Variants in NKAIN2 observed in about 807,000 individuals in gnomAD.
NKAIN2 encodes sodium/potassium-transporting ATPase subunit beta-1-interacting protein 2.
NKAIN2 carries 14 observed loss-of-function variants against 32.6 expected under a neutral mutation model. The observed-to-expected ratio is 0.43, with a 90% confidence interval of 0.28 to 0.67. NKAIN2 has a LOEUF of 0.67. NKAIN2 is among the 30% of genes least tolerant of loss of function. NKAIN2 has a pLI of 0.17. For synonymous variants in NKAIN2, 80 were observed against 87.2 expected (o/e 0.92, Z 0.46); for missense variants, 198 against 258.3 (o/e 0.77, Z 1.60).
chr6:124,257,892 C>T (rs540218409), intron 1 of NKAIN2, among the ~76,000 whole-genome samples: 184 of 150,558 alleles, frequency 1.2e-3, no homozygotes, highest in Non-Finnish European at 2.0e-3. Context: ...GATTCTCCTA[C>T]CTCAGCCTCC....
At position 124,305,306 on chromosome 6, in the gene NKAIN2, G is replaced by A. The variant is rs555135011; in HGVS notation, c.192+22164G>A. ...TTAATGTGAGGAGGCCACCTCGGAG[G>A]CAATCAAACAAGGGACAATGAGGAA... is the stretch of plus-strand genomic sequence containing the variant. On this transcript the variant is annotated intron_variant, in intron 2 of 6. Transcript: ENST00000368417. 2.6e-5 allele frequency among the ~76,000 whole-genome samples: 4 copies of A among 152,220 alleles called. No homozygotes were observed. The East Asian group carries it at 7.7e-4, about 29-fold the overall frequency.
At position 123,834,476 on chromosome 6, in the gene NKAIN2, ATTC is replaced by A. The variant is rs1774528976; in HGVS notation, c.54+30227_54+30229del. ...GGCTGTTCCAGGAGTTTTTTTGTCA[ATTC>A]TTCTATATTTTCTACATAGACAATC... On this transcript the variant is annotated intron_variant, in intron 1 of 6. Coordinates refer to ENST00000368417, the MANE Select transcript of NKAIN2 (RefSeq NM_001040214.3). Among the ~76,000 whole-genome samples the A allele has an allele frequency of 2.0e-5, 3 of 152,188 alleles. No homozygotes were observed. The South Asian group carries it at 6.2e-4, about 32-fold the overall frequency.
At chr6:124,266,374 C>G (rs1430090622) in intron 1 of NKAIN2, among the ~76,000 whole-genome samples, 1 of 152,110 alleles carries the variant, frequency 6.6e-6, no homozygotes, top group African/African-American at 2.4e-5. Context: ...ACTTCTTGAG[C>G]TCAACTGATC....
intron 3 of NKAIN2, among the ~76,000 whole-genome samples, chr6:124,521,802 G>C (rs779126698): frequency 6.6e-6 from 1 of 151,858 alleles, no homozygotes; most frequent in Non-Finnish European, 1.5e-5. Flanking sequence ...TATGGACACA[G>C]TATATCTGTA....
intron 3 of NKAIN2, chr6:124,437,999 G>A (rs519362): frequency 0.15 from 56,841 of 388,944 alleles, 4,611 homozygotes; most frequent in East Asian, 0.22. Flanking sequence ...GAGGCATGTG[G>A]ATATAGCAAG....
At chr6:124,675,619 G>A (rs898680193) in intron 4 of NKAIN2, among the ~76,000 whole-genome samples, 5 of 151,924 alleles carry the variant, frequency 3.3e-5, no homozygotes, top group African/African-American at 9.7e-5. Flanking sequence ...TGTCTTCCAA[G>A]TTATCTAATT....
At chr6:124,411,365 AG>A (rs1480314511) in intron 3 of NKAIN2, among the ~76,000 whole-genome samples, 1 of 152,026 alleles carries the variant, frequency 6.6e-6, no homozygotes. Context: ...GAGCTCTTTT[AG>A]GGCAGGCCTG....
intron 3 of NKAIN2, among the ~76,000 whole-genome samples, chr6:124,524,929 G>A (rs1018271407): frequency 5.9e-5 from 9 of 152,040 alleles, no homozygotes; most frequent in African/African-American, 1.9e-4. Flanking sequence ...AAATCCCCAC[G>A]GAAACAAGAT....
intron 4 of NKAIN2, among the ~76,000 whole-genome samples, chr6:124,705,934 G>A (rs1163176071): frequency 5.9e-5 from 9 of 152,068 alleles, no homozygotes; most frequent in Non-Finnish European, 1.2e-4. Flanking sequence ...TCACCAAATT[G>A]AGGGACCCAC....
chr6:124,606,157 T>C (rs1362180251), intron 3 of NKAIN2, among the ~76,000 whole-genome samples: 2 of 152,034 alleles, frequency 1.3e-5, no homozygotes, highest in African/African-American at 2.4e-5. Context: ...CTCAAAGTGA[T>C]AGTACCTCTC....
At chr6:124,442,651 G>T (rs1775738664) in intron 3 of NKAIN2, among the ~76,000 whole-genome samples, 1 of 151,996 alleles carries the variant, frequency 6.6e-6, no homozygotes, top group South Asian at 2.1e-4. Context: ...CAGTAGTTCT[G>T]ATAGACACTA....
chr6:124,123,828 A>G (rs1368637727), intron 1 of NKAIN2, among the ~76,000 whole-genome samples: 1 of 152,142 alleles, frequency 6.6e-6, no homozygotes, highest in Non-Finnish European at 1.5e-5. Context: ...TCAAAACTGC[A>G]AGGAGATACC....
chr6:124,573,470 C>G (rs941876818), intron 3 of NKAIN2, among the ~76,000 whole-genome samples: 3 of 151,820 alleles, frequency 2.0e-5, no homozygotes, highest in Non-Finnish European at 4.4e-5. Context: ...TTCCTCATAT[C>G]TTATCTCTTT....
chr6:124,633,223 T>G (rs1412630757), intron 3 of NKAIN2, among the ~76,000 whole-genome samples: 1 of 152,118 alleles, frequency 6.6e-6, no homozygotes, highest in Non-Finnish European at 1.5e-5. Context: ...AAAAATAACT[T>G]GATGCAGTTA....
At chr6:124,361,824 C>G (rs1799302701) in intron 3 of NKAIN2, among the ~76,000 whole-genome samples, 6 of 152,020 alleles carry the variant, frequency 3.9e-5, no homozygotes, top group Admixed American at 3.9e-4. Flanking sequence ...AAACCAGATG[C>G]AAGTGCAATG....
chr6:124,143,081 A>G (rs17051449), intron 1 of NKAIN2, among the ~76,000 whole-genome samples: 4,378 of 152,298 alleles, frequency 0.029, 181 homozygotes, highest in East Asian at 0.12. Flanking sequence ...TATCTTTAAA[A>G]TCTTCACAGC....
At chr6:124,063,270 T>G (rs1783005305) in intron 1 of NKAIN2, among the ~76,000 whole-genome samples, 1 of 152,078 alleles carries the variant, frequency 6.6e-6, no homozygotes, top group Admixed American at 6.6e-5. Context: ...GAAATTGAAC[T>G]CCAGAGATGA....
At chr6:124,395,161 T>C (rs1258276061) in intron 3 of NKAIN2, among the ~76,000 whole-genome samples, 1 of 152,134 alleles carries the variant, frequency 6.6e-6, no homozygotes, top group Admixed American at 6.5e-5. Context: ...CTCATGAATA[T>C]TTTAATACTT....
At chr6:124,538,240 T>A (rs1418289753) in intron 3 of NKAIN2, among the ~76,000 whole-genome samples, 5 of 152,110 alleles carry the variant, frequency 3.3e-5, no homozygotes, top group Admixed American at 2.0e-4. Context: ...TTATTATTAT[T>A]ATTTTTTTTG....
Sources: gnomAD v4.1 joint callset for allele counts (sites outside exome capture counted in the v4.1 genomes callset) on GRCh38, gnomAD v4.1.1 for gene constraint, MANE v1.5 for transcripts, NCBI Gene and HGNC (gene_info 2026-07-23, HGNC 2026-07-21) for gene names.